Variants in STARD13 observed in about 807,000 individuals in gnomAD.
STARD13 encodes stAR-related lipid transfer protein 13.
Under a neutral mutation model 106.4 loss-of-function variants are expected in STARD13, and 62 were observed. That is an observed-to-expected ratio of 0.58 (90% CI 0.48 to 0.72). The LOEUF (loss-of-function observed/expected upper bound fraction) is 0.72. Among genes scored for constraint, STARD13 ranks in the 30% least tolerant of loss-of-function variants. The pLI is 0.00. For synonymous variants in STARD13, 565 were observed against 553.0 expected (o/e 1.02, Z -0.31); for missense variants, 1,387 against 1,424.0 (o/e 0.97, Z 0.42).
At chr13:33,308,516 C>CTTTTTTT (rs1566131085) in intron 1 of STARD13, among the ~76,000 whole-genome samples, 1 of 90,810 alleles carries the variant, frequency 1.1e-5, no homozygotes, top group Non-Finnish European at 2.4e-5. Context: ...TTTTCTTTTT[C>CTTTTTTT]TTTCTTTTTT....
the STARD13 span, among the ~76,000 whole-genome samples, chr13:33,537,266 AAACT>A: frequency 2.6e-5 from 4 of 152,282 alleles, no homozygotes; most frequent in Admixed American, 6.5e-5. Context: ...TGAATAAAAC[AAACT>A]AAGTGATGAG....
At chr13:33,175,972 T>C (rs1208474558) in intron 1 of STARD13, among the ~76,000 whole-genome samples, 1 of 152,134 alleles carries the variant, frequency 6.6e-6, no homozygotes, top group Non-Finnish European at 1.5e-5. Flanking sequence ...AACCTTGCCA[T>C]GTAGGTGAAA....
chr13:33,666,348 C>T, the STARD13 span, among the ~76,000 whole-genome samples: 3 of 152,156 alleles, frequency 2.0e-5, no homozygotes, highest in Non-Finnish European at 2.9e-5. Context: ...GGCTGGAGTG[C>T]GGTGGCACGA....
chr13:33,462,949 C>A, the STARD13 span, among the ~76,000 whole-genome samples: 1 of 152,182 alleles, frequency 6.6e-6, no homozygotes, highest in Non-Finnish European at 1.5e-5. Context: ...TCAACCGCCA[C>A]AATATTTTAA....
At chr13:33,186,056 T>C (rs780144518) in intron 1 of STARD13, 9 of 1,612,616 alleles carry the variant, frequency 5.6e-6, no homozygotes, top group Admixed American at 1.7e-5. Flanking sequence ...AAGGAGCAGA[T>C]GATAGTCCTC....
At chr13:33,616,682 G>T in the STARD13 span, among the ~76,000 whole-genome samples, 1 of 152,314 alleles carries the variant, frequency 6.6e-6, no homozygotes, top group Non-Finnish European at 1.5e-5. Context: ...ACATGGTTAG[G>T]CTCTGAAGAT....
At chr13:33,538,018 T>G in the STARD13 span, among the ~76,000 whole-genome samples, 2 of 152,172 alleles carry the variant, frequency 1.3e-5, no homozygotes, top group Non-Finnish European at 2.9e-5. Flanking sequence ...GTCACTTCCA[T>G]GTCTTCTGTG....
At chr13:33,283,309 G>A (rs904446069) in intron 1 of STARD13, among the ~76,000 whole-genome samples, 1 of 152,128 alleles carries the variant, frequency 6.6e-6, no homozygotes. Context: ...CTAAAAAATA[G>A]TCTAGTGTAT....
At chr13:33,114,789 G>T (rs993500434) in intron 8 of STARD13, among the ~76,000 whole-genome samples, 1 of 151,768 alleles carries the variant, frequency 6.6e-6, no homozygotes, top group Non-Finnish European at 1.5e-5. Flanking sequence ...CTTTCTATCC[G>T]CTTGTTCTTT....
intron 3 of STARD13, among the ~76,000 whole-genome samples, chr13:33,146,632 C>A (rs1486164102): frequency 6.6e-6 from 1 of 152,158 alleles, no homozygotes; most frequent in Non-Finnish European, 1.5e-5. Flanking sequence ...AAGTGAGTGA[C>A]ATCAGTGAAA....
intron 1 of STARD13, among the ~76,000 whole-genome samples, chr13:33,174,546 G>A (rs1324151949): frequency 6.6e-6 from 1 of 152,080 alleles, no homozygotes; most frequent in Admixed American, 6.5e-5. Context: ...TTACCATGAG[G>A]CTAAGAGATA....
the STARD13 span, among the ~76,000 whole-genome samples, chr13:33,517,473 G>A: frequency 0.069 from 10,487 of 152,114 alleles, 944 homozygotes; most frequent in African/African-American, 0.21. Context: ...GGCAGAACAG[G>A]GGCAGAATGT....
At chr13:33,142,067 C>T (rs1879904988) in intron 4 of STARD13, among the ~76,000 whole-genome samples, 1 of 152,144 alleles carries the variant, frequency 6.6e-6, no homozygotes, top group East Asian at 1.9e-4. Context: ...GTCACTGTGT[C>T]ACCCAGGTTG....
chr13:33,610,593 G>C, the STARD13 span, among the ~76,000 whole-genome samples: 8 of 152,314 alleles, frequency 5.3e-5, no homozygotes, highest in Admixed American at 5.2e-4. Flanking sequence ...GGGCCAGGCC[G>C]CTTTGCCTTC....
chr13:33,437,211 G>GA, the STARD13 span, among the ~76,000 whole-genome samples: 1 of 152,164 alleles, frequency 6.6e-6, no homozygotes, highest in East Asian at 1.9e-4. Context: ...AAAGCACTGT[G>GA]AAAATCCCTA....
chr13:33,350,843 T>G (rs541996255), upstream of STARD13, among the ~76,000 whole-genome samples: 1 of 152,074 alleles, frequency 6.6e-6, no homozygotes, highest in South Asian at 2.1e-4. Context: ...AGCTTCCAGC[T>G]TCTTTTCCAG....
chr13:33,353,382 G>C (rs1021752793), upstream of STARD13, among the ~76,000 whole-genome samples: 2 of 152,136 alleles, frequency 1.3e-5, no homozygotes, highest in African/African-American at 4.8e-5. Flanking sequence ...AGGGTGCATG[G>C]ACCATTGGAC....
At chr13:33,180,251 G>A (rs1391646748) in intron 1 of STARD13, 1 of 152,222 alleles carries the variant, frequency 6.6e-6, no homozygotes, top group Non-Finnish European at 1.5e-5. Flanking sequence ...GGCAGTAAGA[G>A]CCTTCTCCTA....
At chr13:33,443,459 CAAA>C in the STARD13 span, among the ~76,000 whole-genome samples, 1 of 145,160 alleles carries the variant, frequency 6.9e-6, no homozygotes, top group African/African-American at 2.5e-5. Flanking sequence ...GTCCCCCCCC[CAAA>C]AAAAAAACAC....
Sources: allele counts gnomAD v4.1 joint callset (sites outside exome capture counted in the v4.1 genomes callset), GRCh38; gene constraint gnomAD v4.1.1; transcripts MANE v1.5; gene names NCBI Gene and HGNC (gene_info 2026-07-23, HGNC 2026-07-21).